EYS: variants seen among roughly 807,000 people sequenced by gnomAD.
The protein encoded by EYS is protein eyes shut homolog.
Under a neutral mutation model 282.1 loss-of-function variants are expected in EYS, and 250 were observed. That is an observed-to-expected ratio of 0.89 (90% CI 0.80 to 0.98). The LOEUF is 0.98. Ranked by LOEUF, EYS falls within the 50% of genes least tolerant of loss-of-function variation. The pLI, the probability that EYS is intolerant of heterozygous loss-of-function variation, is 0.00. For missense variants in EYS, 4,016 were observed against 3,709.0 expected, an observed-to-expected ratio of 1.08 and a Z score of -2.15; for synonymous variants, 1,355 against 1,282.9, an observed-to-expected ratio of 1.06 and a Z score of -1.20.
At chr6:64,523,568 A>G (rs1205959592) in intron 26 of EYS, among the ~76,000 whole-genome samples, 1 of 151,834 alleles carries the variant, frequency 6.6e-6, no homozygotes, top group Non-Finnish European at 1.5e-5. Context: ...CATGTGGTAA[A>G]AGTTTTCTGG....
At chr6:65,616,760 TG>T (rs1453262944) in intron 2 of EYS, among the ~76,000 whole-genome samples, 1 of 150,618 alleles carries the variant, frequency 6.6e-6, no homozygotes, top group African/African-American at 2.5e-5. Context: ...CACTCCAGCC[TG>T]GTGACAGAGT....
chr6:65,442,634 G>T (rs1389014522), intron 5 of EYS, among the ~76,000 whole-genome samples: 2 of 151,548 alleles, frequency 1.3e-5, no homozygotes, highest in African/African-American at 4.8e-5. Flanking sequence ...CATGCATATA[G>T]TCCCAGGTAT....
intron 16 of EYS, among the ~76,000 whole-genome samples, chr6:64,907,220 AT>A (rs967567014): frequency 3.3e-5 from 5 of 151,782 alleles, no homozygotes; most frequent in African/African-American, 7.3e-5. Context: ...CGCACTGCTA[AT>A]TTTTTTTAAA....
intron 22 of EYS, among the ~76,000 whole-genome samples, chr6:64,636,367 T>A (rs1014254273): frequency 2.6e-5 from 4 of 151,892 alleles, no homozygotes; most frequent in Non-Finnish European, 4.4e-5. Context: ...CAAATGGTGC[T>A]GGGAAAACTG....
chr6:65,618,933 C>A (rs919199893), intron 2 of EYS, among the ~76,000 whole-genome samples: 10 of 152,064 alleles, frequency 6.6e-5, no homozygotes, highest in African/African-American at 2.4e-4. Context: ...GGTACCAGTA[C>A]CATGCTGTTT....
At chr6:64,033,996 C>T (rs73443018) in intron 33 of EYS, among the ~76,000 whole-genome samples, 12 of 152,142 alleles carry the variant, frequency 7.9e-5, no homozygotes, top group African/African-American at 2.9e-4. Context: ...GTCAGGAGCA[C>T]TGATTTAATT....
At chr6:65,701,627 G>T (rs1388150866) in intron 1 of EYS, among the ~76,000 whole-genome samples, 2 of 151,968 alleles carry the variant, frequency 1.3e-5, no homozygotes, top group African/African-American at 2.4e-5. Flanking sequence ...GAATTATCTG[G>T]ATAGCTTTTA....
intron 31 of EYS, among the ~76,000 whole-genome samples, chr6:64,095,620 T>C (rs543184350): frequency 6.6e-6 from 1 of 150,664 alleles, no homozygotes; most frequent in Non-Finnish European, 1.5e-5. Flanking sequence ...GATCTTCCTC[T>C]GTCCCTTTAT....
At chr6:64,405,695 G>A (rs1161932850) in intron 28 of EYS, among the ~76,000 whole-genome samples, 2 of 152,036 alleles carry the variant, frequency 1.3e-5, no homozygotes, top group African/African-American at 4.8e-5. Flanking sequence ...CAGACAAACA[G>A]AGAGCCAAAT....
intron 31 of EYS, among the ~76,000 whole-genome samples, chr6:64,207,355 G>A (rs1178008585): frequency 1.3e-5 from 2 of 151,932 alleles, no homozygotes; most frequent in East Asian, 1.9e-4. Flanking sequence ...GCCTTCCAAG[G>A]CTCCAGAACG....
rs1582249665 is a variant in EYS at position 65,405,533 on chromosome 6, T to C, written c.863-166A>G. Among the ~76,000 whole-genome samples the C allele has an allele frequency of 2.0e-5, 3 of 152,096 alleles. No individual in the cohort carries two copies. In the East Asian group the frequency reaches 5.8e-4, roughly 29 times the overall value. The stretch of plus-strand genomic sequence containing the variant: ...AGTTATATATTATAAAATTCATTCA[T>C]TGCAATTCTACAGTAACTTTTGCAA... On this transcript the variant is annotated intron_variant, in intron 5 of 42. Coordinates refer to ENST00000503581, the MANE Select transcript of EYS (RefSeq NM_001142800.2).
Position 65,587,034 on chromosome 6 carries a change from T to G in EYS, c.-333+52744A>C, listed in dbSNP as rs779114553. Among the ~76,000 whole-genome samples, 3 of 152,150 alleles carry G rather than the reference T, an allele frequency of 2.0e-5. No homozygotes were observed. In the South Asian group the frequency reaches 6.2e-4, roughly 32 times the overall value. On this transcript the variant is annotated intron_variant, in intron 2 of 42. Transcript: ENST00000503581. ...TTATTAAAATCTGAGTGTTCAAATA[T>G]AAAATATCTTGAAGTATATGCATTA...
intron 8 of EYS, among the ~76,000 whole-genome samples, chr6:65,381,980 A>G (rs1319147828): frequency 6.6e-6 from 1 of 152,084 alleles, no homozygotes; most frequent in Middle Eastern, 3.4e-3. Flanking sequence ...TTGTTTCAAT[A>G]AAGACATTTT....
At chr6:65,671,086 A>T (rs1049483239) in intron 1 of EYS, among the ~76,000 whole-genome samples, 1 of 152,110 alleles carries the variant, frequency 6.6e-6, no homozygotes, top group Admixed American at 6.6e-5. Flanking sequence ...AATTTATGCC[A>T]TGTTATATGT....
chr6:64,028,807 C>T (rs1347250126), intron 33 of EYS, among the ~76,000 whole-genome samples: 1 of 152,182 alleles, frequency 6.6e-6, no homozygotes, highest in Non-Finnish European at 1.5e-5. Flanking sequence ...CAGCAGGCTA[C>T]TCTAGATCTT....
intron 19 of EYS, among the ~76,000 whole-genome samples, chr6:64,834,427 T>C (rs1057065367): frequency 6.6e-5 from 10 of 151,848 alleles, no homozygotes; most frequent in Non-Finnish European, 1.3e-4. Flanking sequence ...TAATGTCTAC[T>C]GTTCTCCATA....
At chr6:64,348,611 C>A (rs1390430721) in intron 29 of EYS, among the ~76,000 whole-genome samples, 1 of 151,470 alleles carries the variant, frequency 6.6e-6, no homozygotes, top group African/African-American at 2.4e-5. Flanking sequence ...ACAAAACTGA[C>A]AAAAGTATTT....
intron 35 of EYS, among the ~76,000 whole-genome samples, chr6:63,883,899 C>T (rs1208083299): frequency 2.6e-5 from 4 of 152,194 alleles, no homozygotes; most frequent in African/African-American, 9.6e-5. Context: ...AGAGCCTTTC[C>T]TCTAATCCAG....
chr6:65,231,818 A>C (rs1391524281), intron 12 of EYS, among the ~76,000 whole-genome samples: 1 of 151,902 alleles, frequency 6.6e-6, no homozygotes, highest in Non-Finnish European at 1.5e-5. Context: ...CATATGATTT[A>C]AAAACAAAAG....
Sources: gnomAD v4.1 joint callset for allele counts (sites outside exome capture counted in the v4.1 genomes callset) on GRCh38, gnomAD v4.1.1 for gene constraint, MANE v1.5 for transcripts, NCBI Gene and HGNC (gene_info 2026-07-23, HGNC 2026-07-21) for gene names.